The following BCAS3 variants were observed in gnomAD, a reference collection of about 807,000 sequenced individuals.
The protein encoded by BCAS3 is BCAS4/BCAS3 fusion.
In BCAS3, 53 loss-of-function variants were observed where a neutral mutation model predicts 116.1. The observed-to-expected ratio is 0.46, with a 90% confidence interval of 0.37 to 0.57. The LOEUF (loss-of-function observed/expected upper bound fraction) is 0.57, where lower values mean the gene tolerates loss of function less well. Among genes scored for constraint, BCAS3 ranks in the 20% least tolerant of loss-of-function variants. The probability of loss-of-function intolerance (pLI) is 0.00; values close to 1 mark genes in which losing one functional copy is unlikely to be tolerated. For missense variants in BCAS3, 917 were observed against 1,165.4 expected, an observed-to-expected ratio of 0.79 and a Z score of 3.10; for synonymous variants, 391 against 408.2, an observed-to-expected ratio of 0.96 and a Z score of 0.51.
intron 10 of BCAS3, 77 bp from the exon 11 acceptor site, chr17:60,902,543 G>C: frequency 8.3e-7 from 1 of 1,199,114 alleles, no homozygotes; most frequent in Non-Finnish European, 1.2e-6. Flanking sequence ...CGGAAAATAA[G>C]CTCTATCCTG....
chr17:61,110,290 G>A (rs768298307), intron 22 of BCAS3, among the ~76,000 whole-genome samples: 74 of 150,450 alleles, frequency 4.9e-4, no homozygotes, highest in Non-Finnish European at 3.1e-4. Context: ...CAGCGTGAGC[G>A]ACGCAGAAGA....
In BCAS3 at chr17:61,026,746, A is replaced by G; in HGVS notation, c.1638-7920A>G. On this transcript the variant is annotated intron_variant, in intron 16 of 23. Transcript: ENST00000407086. The surrounding 1 kb of genome is among the most constrained non-coding windows in gnomAD (Gnocchi z 5.0). ...AGTATGTACAGCAGAATTGTAAATG[A>G]TTACTAATTTTTTAGTTATTTTTAT... The G allele has an allele frequency of 1.1e-6, 1 of 919,070 alleles. No homozygotes were observed. Among genetic ancestry groups the G allele is most frequent in the Non-Finnish European group, 1.7e-6 (1 of 582,906 alleles). 56.9% of individuals were successfully genotyped at this position (919,070 alleles called of 1,614,324 possible). A position where few individuals can be genotyped will look rare whatever the true frequency, so the allele number is the denominator to read the frequency against.
chr17:61,027,816 A>G (rs868566071), intron 16 of BCAS3, among the ~76,000 whole-genome samples: 1 of 151,902 alleles, frequency 6.6e-6, no homozygotes, highest in Non-Finnish European at 1.5e-5. Flanking sequence ...AGTATGTGTT[A>G]GTATATAACA....
In BCAS3 at chr17:61,381,718, G is replaced by T. The variant is rs867213588; in HGVS notation, c.2594-10259G>T. On this transcript the variant is annotated intron_variant, in intron 23 of 23. Coordinates refer to ENST00000407086, the MANE Select transcript of BCAS3 (RefSeq NM_017679.5). This position sits in a 1 kb window ranked among gnomAD's most constrained non-coding sequence, Gnocchi z 6.0. ...GATTGGTTGGTTCACACCAACTTGC[G>T]TGTGTGTGCCTGTCCCCAGGGCCAG... Among the ~76,000 whole-genome samples the T allele has an allele frequency of 1.3e-5, 2 of 152,156 alleles. No individual in the cohort carries two copies. Among genetic ancestry groups the T allele is most frequent in the Non-Finnish European group, 2.9e-5 (2 of 68,032 alleles).
chr17:60,981,562 C>T (rs935729892), intron 14 of BCAS3, among the ~76,000 whole-genome samples: 13 of 152,142 alleles, frequency 8.5e-5, no homozygotes, highest in Non-Finnish European at 1.6e-4. Context: ...GGATTACCTA[C>T]GTGAGCCACT....
intron 7 of BCAS3, among the ~76,000 whole-genome samples, chr17:60,826,712 C>A (rs1490397320): frequency 6.6e-6 from 1 of 152,174 alleles, no homozygotes; most frequent in Non-Finnish European, 1.5e-5. Flanking sequence ...TGAGCTACAT[C>A]TAATTCTTGT....
In BCAS3 at chr17:60,910,711, A is replaced by T. The variant is rs768620416; in HGVS notation, c.993+9A>T. 15 of 1,599,084 alleles carry T rather than the reference A, an allele frequency of 9.4e-6. No homozygotes were observed. The highest frequency in any genetic ancestry group is 1.2e-5 in the Non-Finnish European group (14 of 1,172,878). On this transcript the variant is annotated intron_variant, in intron 12 of 23. Coordinates refer to ENST00000407086, the MANE Select transcript of BCAS3 (RefSeq NM_017679.5). ...CCGTTGGAGAGGGCCAGGTAAGAAG[A>T]ACTTTTGGTGCGTACCATGTGTGTT...
chr17:60,799,524 GTTTTTTT>G (rs869112996), intron 6 of BCAS3, among the ~76,000 whole-genome samples: 6 of 102,382 alleles, frequency 5.9e-5, no homozygotes, highest in Admixed American at 4.4e-4. Context: ...ATTAGTGTTT[GTTTTTTT>G]TTTTTTTTTT....
chr17:61,157,977 T>A (rs1056887132), intron 22 of BCAS3, among the ~76,000 whole-genome samples: 1 of 152,250 alleles, frequency 6.6e-6, no homozygotes, highest in Non-Finnish European at 1.5e-5. Flanking sequence ...ACTGATTTGA[T>A]ATCTCTTCTT....
At chr17:61,304,023 C>G (rs1335990170) in intron 22 of BCAS3, among the ~76,000 whole-genome samples, 1 of 152,254 alleles carries the variant, frequency 6.6e-6, no homozygotes, top group African/African-American at 2.4e-5. Flanking sequence ...TCCACCCTAT[C>G]AACAAAACTA....
intron 7 of BCAS3, among the ~76,000 whole-genome samples, chr17:60,839,504 C>G (rs777596335): frequency 6.6e-6 from 1 of 151,756 alleles, no homozygotes; most frequent in South Asian, 2.1e-4. Flanking sequence ...GTTTCATAAC[C>G]CAGTGTTTAT....
intron 12 of BCAS3, among the ~76,000 whole-genome samples, chr17:60,922,154 T>C (rs9902369): frequency 0.12 from 17,931 of 151,582 alleles, 3,545 homozygotes; most frequent in African/African-American, 0.41. Context: ...TGAGACAGAG[T>C]CTTGCTCTGT....
intron 4 of BCAS3, among the ~76,000 whole-genome samples, chr17:60,706,437 A>T (rs149882522): frequency 6.6e-6 from 1 of 151,776 alleles, no homozygotes; most frequent in East Asian, 1.9e-4. Context: ...AGAATACAGT[A>T]TATAAAACAT....
chr17:61,364,145 C>T lies in BCAS3; in HGVS notation c.2426-4182C>T, dbSNP rs1412927087. ...GTATCCTCTCTATGACGTCTCAGGA[C>T]GGTAGAAATGATCAGGTGCTTCTTT... On this transcript the variant is annotated intron_variant, in intron 22 of 23. Coordinates refer to ENST00000407086, the MANE Select transcript of BCAS3 (RefSeq NM_017679.5). This position sits in a 1 kb window ranked among gnomAD's most constrained non-coding sequence, Gnocchi z 5.4. Among the ~76,000 whole-genome samples the T allele has an allele frequency of 3.9e-5, 6 of 152,192 alleles. No individual in the cohort carries two copies. The highest frequency in any genetic ancestry group is 7.3e-5 in the Non-Finnish European group (5 of 68,040).
At position 61,208,074 on chromosome 17, in the gene BCAS3, A is replaced by T. The variant is rs1384900355; in HGVS notation, c.2425+123510A>T. ...CACATACCCTTTTTTATTATATCTTAGTAACTTATTTAATATTTTAGAAAG... is the reference window on the plus strand; with the variant it reads ...CACATACCCTTTTTTATTATATCTTTGTAACTTATTTAATATTTTAGAAAG... On this transcript the variant is annotated intron_variant, in intron 22 of 23. Coordinates refer to ENST00000407086, the MANE Select transcript of BCAS3 (RefSeq NM_017679.5). The surrounding 1 kb of genome is among the most constrained non-coding windows in gnomAD (Gnocchi z 4.5). Among the ~76,000 whole-genome samples, 1 of 152,172 alleles carries T rather than the reference A, an allele frequency of 6.6e-6. No homozygotes were observed. The highest frequency in any genetic ancestry group is 2.4e-5 in the African/African-American group (1 of 41,442).
chr17:60,871,305 AG>A (rs2055076339), intron 8 of BCAS3, among the ~76,000 whole-genome samples: 1 of 152,198 alleles, frequency 6.6e-6, no homozygotes, highest in Non-Finnish European at 1.5e-5. Flanking sequence ...CTGGAACTGC[AG>A]GCATGTGCCA....
intron 16 of BCAS3, among the ~76,000 whole-genome samples, chr17:61,018,513 G>C (rs1360847724): frequency 6.6e-6 from 1 of 151,922 alleles, no homozygotes; most frequent in Non-Finnish European, 1.5e-5. Flanking sequence ...TGTTGGCTAG[G>C]CTGGTCTTGA....
chr17:61,388,832 G>T lies in BCAS3; in HGVS notation c.2594-3145G>T. On this transcript the variant is annotated intron_variant, in intron 23 of 23. Coordinates refer to ENST00000407086, the MANE Select transcript of BCAS3 (RefSeq NM_017679.5). The surrounding 1 kb of genome is among the most constrained non-coding windows in gnomAD (Gnocchi z 6.5). ...CCACACACACCCCTGCCTGCAGGGGGAGGAGCAGAAGGGGTCTGAGAGGAG... is the reference window on the plus strand; with the variant it reads ...CCACACACACCCCTGCCTGCAGGGGTAGGAGCAGAAGGGGTCTGAGAGGAG... 1.0e-6 allele frequency: 1 copy of T among 978,414 alleles called. No homozygotes were observed. The highest frequency in any genetic ancestry group is 1.5e-6 in the Non-Finnish European group (1 of 669,556). 60.6% of individuals were successfully genotyped at this position (978,414 alleles called of 1,614,324 possible). A position where few individuals can be genotyped will look rare whatever the true frequency, so the allele number is the denominator to read the frequency against.
intron 6 of BCAS3, among the ~76,000 whole-genome samples, chr17:60,773,895 C>G (rs1049996693): frequency 6.6e-6 from 1 of 152,188 alleles, no homozygotes; most frequent in Non-Finnish European, 1.5e-5. Flanking sequence ...GATTGGCCTG[C>G]CTTGGTCTCC....
Sources: gnomAD v4.1 joint callset for allele counts (sites outside exome capture counted in the v4.1 genomes callset) on GRCh38, gnomAD v4.1.1 for gene constraint, Gnocchi (gnomAD v3.1) non-coding constraint, MANE v1.5 for transcripts, NCBI Gene and HGNC (gene_info 2026-07-23, HGNC 2026-07-21) for gene names.